Variants in SPTLC2 observed in about 807,000 individuals in gnomAD.
The protein encoded by SPTLC2 is serine palmitoyltransferase 2.
SPTLC2 carries 21 observed loss-of-function variants against 62.0 expected under a neutral mutation model. That is an observed-to-expected ratio of 0.34 (90% confidence interval 0.24 to 0.49). The LOEUF (loss-of-function observed/expected upper bound fraction) is 0.49, where lower values mean the gene tolerates loss of function less well. SPTLC2 is among the 20% of genes least tolerant of loss of function. The pLI is 0.99. For synonymous variants in SPTLC2, 261 were observed against 261.8 expected (o/e 1.00, Z 0.03); for missense variants, 511 against 713.0 (o/e 0.72, Z 3.23).
chr14:77,566,661 C>T (rs1335607251), intron 5 of SPTLC2, among the ~76,000 whole-genome samples: 4 of 152,140 alleles, frequency 2.6e-5, no homozygotes, highest in African/African-American at 4.8e-5. Flanking sequence ...GGGGTTTCAC[C>T]GTGTTAGCCA....
chr14:77,579,979 T>C (rs939835356), intron 2 of SPTLC2, among the ~76,000 whole-genome samples: 7 of 152,130 alleles, frequency 4.6e-5, no homozygotes, highest in Admixed American at 2.6e-4. Context: ...CCCTCCCTAA[T>C]AATCTCAAAA....
chr14:77,552,750 G>A (rs536986629), intron 8 of SPTLC2, among the ~76,000 whole-genome samples: 5 of 150,526 alleles, frequency 3.3e-5, no homozygotes, highest in African/African-American at 4.9e-5. Flanking sequence ...AGGTTGCAGT[G>A]AGCTGAGATT....
chr14:77,576,466 C>T (rs774475781), intron 4 of SPTLC2, among the ~76,000 whole-genome samples: 24 of 152,162 alleles, frequency 1.6e-4, no homozygotes, highest in Non-Finnish European at 3.2e-4. Flanking sequence ...CACTCTTAAC[C>T]ACTAACATTT....
At chr14:77,520,891 G>C (rs1415994907) in intron 10 of SPTLC2, among the ~76,000 whole-genome samples, 1 of 152,202 alleles carries the variant, frequency 6.6e-6, no homozygotes, top group Non-Finnish European at 1.5e-5. Flanking sequence ...TCTTCCGTCA[G>C]CTAAGCAAGC....
At chr14:77,552,319 A>T in intron 8 of SPTLC2, 97 bp from the exon 9 acceptor site, 2 of 1,417,360 alleles carry the variant, frequency 1.4e-6, no homozygotes, top group South Asian at 2.4e-5. Context: ...TCCTCACTTC[A>T]ATGGCACTGG....
intron 5 of SPTLC2, among the ~76,000 whole-genome samples, chr14:77,564,400 T>TACACACACACACAC (rs6145397): frequency 3.2e-4 from 44 of 139,402 alleles, no homozygotes; most frequent in African/African-American, 1.1e-3. Flanking sequence ...TATGCATGCA[T>TACACACACACACAC]ACACACACAC....
At chr14:77,558,182 G>A (rs1053631921) in intron 6 of SPTLC2, among the ~76,000 whole-genome samples, 3 of 152,018 alleles carry the variant, frequency 2.0e-5, no homozygotes, top group East Asian at 3.9e-4. Context: ...CAAGTAGCTC[G>A]GATTACCAGC....
intron 2 of SPTLC2, among the ~76,000 whole-genome samples, chr14:77,581,159 C>T (rs2079748076): frequency 6.6e-6 from 1 of 152,162 alleles, no homozygotes; most frequent in Non-Finnish European, 1.5e-5. Flanking sequence ...TAGATCTGGG[C>T]TTGGTGCCAA....
At chr14:77,591,514 G>A (rs1350511585) in intron 2 of SPTLC2, among the ~76,000 whole-genome samples, 1 of 152,084 alleles carries the variant, frequency 6.6e-6, no homozygotes, top group Non-Finnish European at 1.5e-5. Context: ...CTGCTGTCCT[G>A]TGCCCAGCAA....
At chr14:77,572,670 T>C (rs2079690236) in intron 4 of SPTLC2, among the ~76,000 whole-genome samples, 1 of 152,236 alleles carries the variant, frequency 6.6e-6, no homozygotes, top group African/African-American at 2.4e-5. Context: ...AAATCTGTGA[T>C]TTATTGTAGC....
chr14:77,556,342 A>T lies in SPTLC2; in HGVS notation c.956+699T>A, dbSNP rs563774788. On this transcript the variant is annotated intron_variant, in intron 7 of 11. Coordinates refer to ENST00000216484, the MANE Select transcript of SPTLC2 (RefSeq NM_004863.4). ...AAAAAGCCACCCAAACCACCAAAAA[A>T]CAAAAAACAAGCACCAAACACAAGC... Among the ~76,000 whole-genome samples the T allele has an allele frequency of 7.8e-3, 980 of 125,146 alleles. 10 individuals carry two copies. Among genetic ancestry groups the T allele is most frequent in the African/African-American group, 0.028 (921 of 33,232 alleles). 82.1% of individuals were successfully genotyped at this position (125,146 alleles called of 152,430 possible).
intron 11 of SPTLC2, among the ~76,000 whole-genome samples, chr14:77,516,794 A>T (rs1359814867): frequency 1.3e-5 from 2 of 152,262 alleles, no homozygotes; most frequent in African/African-American, 4.8e-5. Context: ...TGTTCTTACT[A>T]CAATTTTGTT....
chr14:77,589,861 C>T (rs1349219963), intron 2 of SPTLC2, among the ~76,000 whole-genome samples: 1 of 151,580 alleles, frequency 6.6e-6, no homozygotes, highest in African/African-American at 2.4e-5. Context: ...GCCTGCAGTC[C>T]CAGCTACTCA....
intron 10 of SPTLC2, among the ~76,000 whole-genome samples, chr14:77,518,887 C>T (rs1212583816): frequency 6.6e-6 from 1 of 152,220 alleles, no homozygotes; most frequent in East Asian, 1.9e-4. Flanking sequence ...CAGGCCAGTT[C>T]ACCCGCTGGC....
chr14:77,570,597 T>C (rs2079676330), intron 4 of SPTLC2, 89 bp from the exon 5 acceptor site: 3 of 1,504,226 alleles, frequency 2.0e-6, no homozygotes, highest in East Asian at 2.3e-5. Context: ...ATAGTATATG[T>C]GTTGTGTCCT....
chr14:77,535,790 C>T, intron 9 of SPTLC2: 2 of 329,910 alleles, frequency 6.1e-6, no homozygotes, highest in African/African-American at 2.2e-5. Flanking sequence ...TGACTGATTC[C>T]TCTACTATTA....
intron 9 of SPTLC2, among the ~76,000 whole-genome samples, chr14:77,532,952 A>C (rs2079448751): frequency 6.6e-6 from 1 of 152,166 alleles, no homozygotes; most frequent in Admixed American, 6.5e-5. Flanking sequence ...CATAGTAGCA[A>C]AGCATGAACA....
chr14:77,571,277 A>G (rs11623643), intron 4 of SPTLC2, among the ~76,000 whole-genome samples: 87,763 of 152,018 alleles, frequency 0.58, 26,100 homozygotes, highest in East Asian at 0.91. Context: ...TTGGGAGGCC[A>G]AGGAGGGCGG....
intron 9 of SPTLC2, among the ~76,000 whole-genome samples, chr14:77,551,390 CAAAAAAAAA>C (rs11347331): frequency 1.6e-5 from 1 of 61,166 alleles, no homozygotes; most frequent in Non-Finnish European, 2.8e-5. Flanking sequence ...GACTCCGTCT[CAAAAAAAAA>C]AAAAAAAAAA....
Sources: gnomAD v4.1 joint callset for allele counts (sites outside exome capture counted in the v4.1 genomes callset) on GRCh38, gnomAD v4.1.1 for gene constraint, MANE v1.5 for transcripts, NCBI Gene and HGNC (gene_info 2026-07-23, HGNC 2026-07-21) for gene names.